Variants in SPAG16 observed in about 807,000 individuals in gnomAD.
The protein encoded by SPAG16 is sperm-associated antigen 16 protein.
A neutral mutation model predicts 80.4 loss-of-function variants in SPAG16; 86 were observed. That is an observed-to-expected ratio of 1.07 (90% CI 0.90 to 1.28). The LOEUF is 1.28. Ranked by LOEUF, SPAG16 falls within the 50% of genes most tolerant of loss-of-function variation. SPAG16 has a pLI of 0.00. For missense variants in SPAG16, 870 were observed against 765.3 expected (o/e 1.14, Z -1.61); for synonymous variants, 294 against 265.9 (o/e 1.11, Z -1.03).
At chr2:214,032,880 G>T (rs1343349894) in intron 13 of SPAG16, among the ~76,000 whole-genome samples, 1 of 152,046 alleles carries the variant, frequency 6.6e-6, no homozygotes. Context: ...CATAATCTAA[G>T]CCTCAGGAAC....
intron 11 of SPAG16, among the ~76,000 whole-genome samples, chr2:213,899,328 T>A (rs990526173): frequency 6.6e-6 from 1 of 152,094 alleles, no homozygotes; most frequent in Non-Finnish European, 1.5e-5. Context: ...ATGCCAAGGA[T>A]GATATCCCTT....
rs867332048 is a variant in SPAG16, at chr2:213,835,378, A to G, written c.1071-27107A>G. On this transcript the variant is annotated intron_variant, in intron 10 of 15. Coordinates refer to ENST00000331683, the MANE Select transcript of SPAG16 (RefSeq NM_024532.5). ...CTAATATAATAAATGTTAAATCACA[A>G]TCCCACACTGCGAGCTTGTCTCATA... 2.0e-5 allele frequency among the ~76,000 whole-genome samples: 3 copies of G among 152,316 alleles called. No homozygotes were observed. In the South Asian group the frequency reaches 6.2e-4, roughly 32 times the overall value.
intron 10 of SPAG16, among the ~76,000 whole-genome samples, chr2:213,767,251 C>A (rs1256820288): frequency 6.6e-6 from 1 of 152,154 alleles, no homozygotes; most frequent in East Asian, 1.9e-4. Flanking sequence ...TATTAATTTT[C>A]TATCATATAA....
rs188440986 is a variant in SPAG16 at position 214,143,916 on chromosome 2, G to T, written c.1594-5224G>T. The stretch of plus-strand genomic sequence containing the variant: ...CTCATGCTTATAATCCCAGCACTTC[G>T]GCAGGTCAAGGTGGGAGGATCACAT... On this transcript the variant is annotated intron_variant, in intron 14 of 15. Coordinates refer to ENST00000331683, the MANE Select transcript of SPAG16 (RefSeq NM_024532.5). Among the ~76,000 whole-genome samples the T allele has an allele frequency of 7.8e-3, 1,192 of 152,096 alleles. 19 individuals are homozygous for T. The highest frequency in any genetic ancestry group is 0.028 in the African/African-American group (1,143 of 41,484).
intron 9 of SPAG16, among the ~76,000 whole-genome samples, chr2:213,437,555 G>T (rs2070716859): frequency 6.6e-6 from 1 of 152,064 alleles, no homozygotes; most frequent in Admixed American, 6.6e-5. Flanking sequence ...CACAAATTCA[G>T]CCATTATAGG....
intron 14 of SPAG16, among the ~76,000 whole-genome samples, chr2:214,147,965 G>C (rs1247594417): frequency 6.6e-6 from 1 of 152,052 alleles, no homozygotes; most frequent in Non-Finnish European, 1.5e-5. Flanking sequence ...GAAAATTATA[G>C]GATAATTAAG....
chr2:213,835,226 T>A (rs1233877635), intron 10 of SPAG16, among the ~76,000 whole-genome samples: 2 of 152,202 alleles, frequency 1.3e-5, no homozygotes, highest in East Asian at 3.8e-4. Context: ...AAATGTCTGA[T>A]TCTAGTGCCA....
At chr2:213,946,974 T>G (rs1342372761) in intron 12 of SPAG16, among the ~76,000 whole-genome samples, 3 of 152,204 alleles carry the variant, frequency 2.0e-5, no homozygotes, top group African/African-American at 4.8e-5. Context: ...GTTTGCTTTT[T>G]TTTTCATTTA....
intron 13 of SPAG16, among the ~76,000 whole-genome samples, chr2:214,022,136 CA>C: frequency 6.6e-6 from 1 of 152,146 alleles, no homozygotes; most frequent in Non-Finnish European, 1.5e-5. Flanking sequence ...GCGAATGAGA[CA>C]TTTTTTTCTC....
In SPAG16 at chr2:214,197,034, C is replaced by A. The variant is rs62196170; in HGVS notation, c.1720+47768C>A. On this transcript the variant is annotated intron_variant, in intron 15 of 15. Transcript: ENST00000331683. Reference sequence around the variant, plus strand: ...TAATAATAGTTAAAGGCTTAAATGGCCCTGGGATATTCAGTTAACAGAAGA... The same window carrying A: ...TAATAATAGTTAAAGGCTTAAATGGACCTGGGATATTCAGTTAACAGAAGA... Among the ~76,000 whole-genome samples, 953 of 151,960 alleles carry A rather than the reference C, an allele frequency of 6.3e-3. 9 individuals carry two copies. The highest frequency in any genetic ancestry group is 9.6e-3 in the Non-Finnish European group (654 of 67,908).
At chr2:214,223,001 C>CA (rs1487877418) in intron 15 of SPAG16, among the ~76,000 whole-genome samples, 2 of 152,054 alleles carry the variant, frequency 1.3e-5, no homozygotes, top group Non-Finnish European at 2.9e-5. Flanking sequence ...AATTTCTTGA[C>CA]AAAAAAGACA....
At chr2:213,898,861 A>G (rs2077099006) in intron 11 of SPAG16, among the ~76,000 whole-genome samples, 1 of 152,116 alleles carries the variant, frequency 6.6e-6, no homozygotes, top group African/African-American at 2.4e-5. Flanking sequence ...TAGAAATTCA[A>G]CCTGAATGTG....
chr2:213,399,313 G>A (rs1313572445), intron 9 of SPAG16, among the ~76,000 whole-genome samples: 1 of 151,920 alleles, frequency 6.6e-6, no homozygotes, highest in African/African-American at 2.4e-5. Context: ...TTTAAAGTTT[G>A]TGTTTTACCA....
intron 10 of SPAG16, among the ~76,000 whole-genome samples, chr2:213,735,097 C>T (rs2067225534): frequency 6.6e-6 from 1 of 152,126 alleles, no homozygotes. Context: ...TTACCCCTTC[C>T]CCATAAACCA....
In SPAG16 at chr2:214,085,275, G is replaced by A. The variant is rs766845415; in HGVS notation, c.1528-22921G>A. 5.9e-5 allele frequency among the ~76,000 whole-genome samples: 9 copies of A among 151,884 alleles called. 1 individual carries two copies. Among genetic ancestry groups the A allele is most frequent in the Admixed American group, 3.9e-4 (6 of 15,254 alleles). On this transcript the variant is annotated intron_variant, in intron 13 of 15. Transcript: ENST00000331683. ...TAGTCCCAGCTGCTCGAGAGGCTGAGGCGGGAGAATCACTTGAACCCAGGA... is the reference window on the plus strand; with the variant it reads ...TAGTCCCAGCTGCTCGAGAGGCTGAAGCGGGAGAATCACTTGAACCCAGGA...
chr2:214,149,132 T>C lies in SPAG16; in HGVS notation c.1594-8T>C. ...ACATTTTATTTTTGTTTATCTTATA[T>C]TTTGAAGGGTCACATGATAGCATCC... On this transcript the variant is annotated splice_region_variant and splice_polypyrimidine_tract_variant and intron_variant, in intron 14 of 15. Coordinates refer to ENST00000331683, the MANE Select transcript of SPAG16 (RefSeq NM_024532.5). The C allele has an allele frequency of 2.0e-6, 3 of 1,521,024 alleles. No individual in the cohort carries two copies. The highest frequency in any genetic ancestry group is 2.6e-6 in the Non-Finnish European group (3 of 1,134,222). 94.2% of individuals were successfully genotyped at this position (1,521,024 alleles called of 1,614,324 possible).
intron 15 of SPAG16, among the ~76,000 whole-genome samples, chr2:214,347,446 G>C (rs575167614): frequency 6.6e-6 from 1 of 152,088 alleles, no homozygotes; most frequent in Admixed American, 6.6e-5. Flanking sequence ...GCAAGGCAAA[G>C]ATCAAATCCT....
intron 9 of SPAG16, chr2:213,422,471 C>T (rs1376063500): frequency 1.9e-5 from 11 of 571,488 alleles, no homozygotes; most frequent in Admixed American, 5.8e-5. Flanking sequence ...CCTGGCTTGC[C>T]TTTGGCTGGT....
chr2:213,289,284 G>A (rs2062177475), intron 1 of SPAG16, among the ~76,000 whole-genome samples: 1 of 152,174 alleles, frequency 6.6e-6, no homozygotes, highest in Admixed American at 6.5e-5. Context: ...TGGATCTCCT[G>A]GCTTAGAAGT....
Sources: gnomAD v4.1 joint callset for allele counts (sites outside exome capture counted in the v4.1 genomes callset) on GRCh38, gnomAD v4.1.1 for gene constraint, MANE v1.5 for transcripts, NCBI Gene and HGNC (gene_info 2026-07-23, HGNC 2026-07-21) for gene names.